ZBTB7C: variants seen among roughly 807,000 people sequenced by gnomAD.
ZBTB7C encodes zinc finger and BTB domain-containing protein 7C.
In ZBTB7C, 8 loss-of-function variants were observed where a neutral mutation model predicts 25.7. That is an observed-to-expected ratio of 0.31 (90% CI 0.18 to 0.56). The LOEUF (loss-of-function observed/expected upper bound fraction) is 0.56, where lower values mean the gene tolerates loss of function less well. Among genes scored for constraint, ZBTB7C ranks in the 20% least tolerant of loss-of-function variants. The pLI, the probability that ZBTB7C is intolerant of heterozygous loss-of-function variation, is 0.91. For synonymous variants in ZBTB7C, 394 were observed against 369.0 expected (o/e 1.07, Z -0.78); for missense variants, 824 against 855.2 (o/e 0.96, Z 0.46).
chr18:48,242,249 C>A (rs1157385306), intron 2 of ZBTB7C, among the ~76,000 whole-genome samples: 2 of 152,108 alleles, frequency 1.3e-5, no homozygotes, highest in Admixed American at 1.3e-4. Context: ...GGATTCACAG[C>A]TGAATTATCT....
intron 1 of ZBTB7C, among the ~76,000 whole-genome samples, chr18:48,355,812 C>G (rs1310468899): frequency 6.6e-6 from 1 of 152,238 alleles, no homozygotes; most frequent in Non-Finnish European, 1.5e-5. Flanking sequence ...ACTGGACACT[C>G]CCTGCTTCAC....
At chr18:48,248,285 CAATT>C (rs2043753239) in intron 2 of ZBTB7C, among the ~76,000 whole-genome samples, 1 of 152,176 alleles carries the variant, frequency 6.6e-6, no homozygotes, top group Non-Finnish European at 1.5e-5. Context: ...AACTGTGAGT[CAATT>C]AAACCTCTCT....
intron 2 of ZBTB7C, among the ~76,000 whole-genome samples, chr18:48,316,674 G>C (rs1191670719): frequency 6.6e-6 from 1 of 152,214 alleles, no homozygotes; most frequent in South Asian, 2.1e-4. Context: ...CCCCTTGCCT[G>C]CCATGATTAA....
rs1053436761 is a variant in ZBTB7C at position 48,027,251 on chromosome 18, CAGAA to C, written c.*2005_*2008del. 43 of 151,904 alleles carry C rather than the reference CAGAA, an allele frequency of 2.8e-4. No homozygotes were observed. The highest frequency in any genetic ancestry group is 9.9e-4 in the African/African-American group (41 of 41,432). The allele number at this position is 151,904 out of a possible 1,614,324, so 9.4% of individuals were successfully genotyped here. On this transcript the variant is annotated 3_prime_UTR_variant, in exon 5 of 5. Transcript: ENST00000590800. ...ATTCCAAACTGCAGCCAAGAAAAAACAGAAAGAACTAACCAGTCATCTGAAAAAT... is the reference window on the plus strand; with the variant it reads ...ATTCCAAACTGCAGCCAAGAAAAAACAGAACTAACCAGTCATCTGAAAAAT...
intron 4 of ZBTB7C, among the ~76,000 whole-genome samples, chr18:48,033,061 A>G (rs2035832386): frequency 6.6e-6 from 1 of 152,188 alleles, no homozygotes; most frequent in Non-Finnish European, 1.5e-5. Context: ...TTGTAGCTTC[A>G]GACCCACCAC....
At chr18:48,084,029 T>C (rs984749033) in intron 3 of ZBTB7C, among the ~76,000 whole-genome samples, 2 of 152,208 alleles carry the variant, frequency 1.3e-5, no homozygotes, top group South Asian at 4.1e-4. Context: ...CGAAGGAAAC[T>C]ACCAGAACCT....
intron 2 of ZBTB7C, among the ~76,000 whole-genome samples, chr18:48,334,283 C>T (rs931486949): frequency 6.6e-6 from 1 of 152,200 alleles, no homozygotes; most frequent in Non-Finnish European, 1.5e-5. Flanking sequence ...TCCTTCCCCT[C>T]TCCCAAAGGA....
intron 3 of ZBTB7C, among the ~76,000 whole-genome samples, chr18:48,112,125 G>A (rs979915598): frequency 9.2e-5 from 14 of 152,068 alleles, no homozygotes; most frequent in African/African-American, 2.7e-4. Flanking sequence ...AATATGCTAC[G>A]TTGTGATGTG....
intron 1 of ZBTB7C, among the ~76,000 whole-genome samples, chr18:48,341,616 C>G (rs992870060): frequency 1.3e-5 from 2 of 152,210 alleles, no homozygotes; most frequent in African/African-American, 4.8e-5. Context: ...GAATGACTCT[C>G]CTTAAAGGAG....
intron 3 of ZBTB7C, among the ~76,000 whole-genome samples, chr18:48,103,079 TATATATATC>T: frequency 7.4e-6 from 1 of 134,354 alleles, no homozygotes; most frequent in African/African-American, 2.9e-5. Context: ...TATTTTATAT[TATATATATC>T]TTATATATAT....
chr18:48,118,314 C>A (rs1366889217), intron 3 of ZBTB7C, among the ~76,000 whole-genome samples: 1 of 152,112 alleles, frequency 6.6e-6, no homozygotes, highest in Non-Finnish European at 1.5e-5. Flanking sequence ...CCTGATCAAC[C>A]TTTTCTTATA....
chr18:48,046,858 T>C (rs1052343526), intron 3 of ZBTB7C, among the ~76,000 whole-genome samples: 1 of 152,230 alleles, frequency 6.6e-6, no homozygotes, highest in African/African-American at 2.4e-5. Context: ...ACGAGAAATC[T>C]GATAACATCA....
chr18:48,243,268 C>G (rs1177743846), intron 2 of ZBTB7C, among the ~76,000 whole-genome samples: 6 of 48,502 alleles, frequency 1.2e-4, no homozygotes, highest in Non-Finnish European at 2.3e-4. Context: ...TCTACCCCCC[C>G]ACAAAAAAAA....
chr18:48,250,774 C>T (rs2043827669), intron 2 of ZBTB7C, among the ~76,000 whole-genome samples: 1 of 145,764 alleles, frequency 6.9e-6, no homozygotes, highest in African/African-American at 2.6e-5. Flanking sequence ...GATCTTGAAA[C>T]AATCTTTTTT....
intron 1 of ZBTB7C, among the ~76,000 whole-genome samples, chr18:48,398,480 A>G (rs1232524619): frequency 6.6e-6 from 1 of 152,152 alleles, no homozygotes; most frequent in African/African-American, 2.4e-5. Flanking sequence ...GCTCCCACAG[A>G]GTTGATCAGC....
chr18:48,060,163 C>A (rs1250619231), intron 3 of ZBTB7C, among the ~76,000 whole-genome samples: 1 of 152,156 alleles, frequency 6.6e-6, no homozygotes, highest in Non-Finnish European at 1.5e-5. Flanking sequence ...AAGCCCAGCT[C>A]ATCCACCCTC....
chr18:48,338,914 G>GT (rs1355191877), intron 1 of ZBTB7C, among the ~76,000 whole-genome samples: 2 of 151,098 alleles, frequency 1.3e-5, no homozygotes, highest in Admixed American at 6.6e-5. Context: ...AGTTTGTTGG[G>GT]GGGGGGGGGT....
intron 2 of ZBTB7C, among the ~76,000 whole-genome samples, chr18:48,317,770 C>T (rs1598857299): frequency 6.6e-6 from 1 of 152,202 alleles, no homozygotes; most frequent in Non-Finnish European, 1.5e-5. Flanking sequence ...GTTCTCAATC[C>T]TGGCTAACAA....
intron 1 of ZBTB7C, among the ~76,000 whole-genome samples, chr18:48,364,634 A>G (rs554307987): frequency 1.3e-5 from 2 of 152,324 alleles, no homozygotes; most frequent in Admixed American, 1.3e-4. Context: ...TTTAATTTTT[A>G]AAATAAGTAA....
Sources: gnomAD v4.1 joint callset for allele counts (sites outside exome capture counted in the v4.1 genomes callset) on GRCh38, gnomAD v4.1.1 for gene constraint, MANE v1.5 for transcripts, NCBI Gene and HGNC (gene_info 2026-07-23, HGNC 2026-07-21) for gene names.